Variants in ZNF460 observed in about 807,000 individuals in gnomAD.
ZNF460 encodes zinc finger protein 460.
ZNF460 carries 1 observed loss-of-function variant against 8.4 expected under a neutral mutation model. That is an observed-to-expected ratio of 0.12 (90% CI 0.04 to 0.56). The LOEUF (loss-of-function observed/expected upper bound fraction) is 0.56. Among genes scored for constraint, ZNF460 ranks in the 20% least tolerant of loss-of-function variants. The pLI is 0.91. For synonymous variants in ZNF460, 262 were observed against 259.9 expected, an observed-to-expected ratio of 1.01 and a Z score of -0.08; for missense variants, 477 against 714.8, an observed-to-expected ratio of 0.67 and a Z score of 3.79.
Position 57,286,565 on chromosome 19 carries a change from T to A in ZNF460, c.157+1888T>A, listed in dbSNP as rs890715749. On this transcript the variant is annotated intron_variant, in intron 2 of 2. Transcript: ENST00000360338. Reference sequence around the variant, plus strand: ...CCGGAGGCTGAGATGGGAGGATTGCTTCAGGCCAGGAGTTCGAGACTAGGC... The same window carrying A: ...CCGGAGGCTGAGATGGGAGGATTGCATCAGGCCAGGAGTTCGAGACTAGGC... Among the ~76,000 whole-genome samples, 8 of 152,300 alleles carry A rather than the reference T, an allele frequency of 5.3e-5. No individual in the cohort carries two copies. In the East Asian group the frequency reaches 7.7e-4, roughly 15 times the overall value.
chr19:57,288,563 G>A (rs563627290), intron 2 of ZNF460, among the ~76,000 whole-genome samples: 3 of 152,166 alleles, frequency 2.0e-5, no homozygotes, highest in Non-Finnish European at 4.4e-5. Context: ...TTTTTCAGAT[G>A]AGGAAGTGGA....
intron 2 of ZNF460, among the ~76,000 whole-genome samples, chr19:57,289,976 A>C (rs988373600): frequency 6.6e-6 from 1 of 151,956 alleles, no homozygotes. Context: ...CCTCATCTGT[A>C]AAAATACAAA....
chr19:57,288,090 T>G (rs2087891965), intron 2 of ZNF460, among the ~76,000 whole-genome samples: 1 of 152,212 alleles, frequency 6.6e-6, no homozygotes. Flanking sequence ...GTAAGGTCAC[T>G]CCTTTCATTC....
chr19:57,289,557 C>T (rs543887835), intron 2 of ZNF460, among the ~76,000 whole-genome samples: 3 of 152,282 alleles, frequency 2.0e-5, no homozygotes, highest in Admixed American at 2.0e-4. Context: ...TCCCTGGCCT[C>T]TTGTAGCTCC....
intron 2 of ZNF460, among the ~76,000 whole-genome samples, chr19:57,285,796 G>A (rs913540604): frequency 2.0e-5 from 3 of 152,150 alleles, no homozygotes; most frequent in Non-Finnish European, 4.4e-5. Flanking sequence ...GTTCCCTTAG[G>A]ATTGAGTTCT....
At chr19:57,287,203 T>C (rs1439183950) in intron 2 of ZNF460, among the ~76,000 whole-genome samples, 1 of 152,180 alleles carries the variant, frequency 6.6e-6, no homozygotes, top group Admixed American at 6.5e-5. Context: ...ATCATGTCTG[T>C]GTTATTCTTT....
intron 2 of ZNF460, among the ~76,000 whole-genome samples, chr19:57,290,227 G>T (rs73630459): frequency 0.2 from 30,150 of 152,160 alleles, 3,161 homozygotes; most frequent in Middle Eastern, 0.26. Context: ...GATCCCGGGT[G>T]ATCCGCCTCA....
intron 2 of ZNF460, among the ~76,000 whole-genome samples, chr19:57,288,307 G>A (rs926940081): frequency 1.3e-5 from 2 of 152,080 alleles, no homozygotes; most frequent in African/African-American, 4.8e-5. Context: ...GGCTCAAGCA[G>A]TTCTCCTACA....
At chr19:57,290,622 T>C (rs1161618333) in intron 2 of ZNF460, 77 bp from the exon 3 acceptor site, 15 of 1,339,612 alleles carry the variant, frequency 1.1e-5, no homozygotes, top group South Asian at 4.2e-5. Context: ...TTTCATCTTA[T>C]TGTTCTCACC....
rs1395318962 is a variant in ZNF460 at position 57,280,519 on chromosome 19, C to T, written c.-288C>T. The T allele has an allele frequency of 4.0e-6, 2 of 505,600 alleles. No individual in the cohort carries two copies. The highest frequency in any genetic ancestry group is 3.6e-6 in the Non-Finnish European group (1 of 280,118). The allele number at this position is 505,600 out of a possible 1,614,324, so 31.3% of individuals were successfully genotyped here. A position where few individuals can be genotyped will look rare whatever the true frequency, so the allele number is the denominator to read the frequency against. ...TGGGGCCTAGAGCGCTGGGTGGGCG[C>T]GTTCTGCGGCCTGAGCAGGGACGGG... On this transcript the variant is annotated 5_prime_UTR_variant, in exon 1 of 3. Transcript: ENST00000360338.
rs2087930076 is a variant in ZNF460 at position 57,293,013 on chromosome 19, G to C, written c.*783G>C. On this transcript the variant is annotated 3_prime_UTR_variant, in exon 3 of 3. Transcript: ENST00000360338. The stretch of plus-strand genomic sequence containing the variant: ...TTCTCCGTGTGTCTTTAACCACCCA[G>C]TACCATACTTTTTTCTTGATCTGGA... The C allele has an allele frequency of 6.6e-6, 1 of 152,146 alleles. No homozygotes were observed. Among genetic ancestry groups the C allele is most frequent in the Non-Finnish European group, 1.5e-5 (1 of 68,038 alleles). 9.4% of individuals were successfully genotyped at this position (152,146 alleles called of 1,614,324 possible). A position where few individuals can be genotyped will look rare whatever the true frequency, so the allele number is the denominator to read the frequency against.
chr19:57,285,817 T>G (rs1330336925), intron 2 of ZNF460, among the ~76,000 whole-genome samples: 1 of 152,142 alleles, frequency 6.6e-6, no homozygotes, highest in African/African-American at 2.4e-5. Context: ...TCCACTCATG[T>G]CTCCCATTCT....
At chr19:57,290,373 G>T (rs1461586371) in intron 2 of ZNF460, among the ~76,000 whole-genome samples, 1 of 151,906 alleles carries the variant, frequency 6.6e-6, no homozygotes, top group African/African-American at 2.4e-5. Context: ...CACCTCCCAG[G>T]TTCAAGCGAT....
intron 2 of ZNF460, 152 bp downstream of exon 2, chr19:57,284,829 T>C (rs1400236429): frequency 3.1e-6 from 3 of 963,936 alleles, no homozygotes; most frequent in Non-Finnish European, 4.1e-6. Flanking sequence ...TTTTTTTTTT[T>C]TTTGGAGACA....
At position 57,292,212 on chromosome 19, in the gene ZNF460, A is replaced by G. The variant is rs201265623; in HGVS notation, c.1671A>G (p.Glu557=). The part of the protein sequence containing the change: ...SSLDINGFIV[E]ETLPL ...TCGACATCAACGGATTCATAGTGGAAGAAACCCTACCATTGTAACAGATGT... is the reference window on the plus strand; with the variant it reads ...TCGACATCAACGGATTCATAGTGGAGGAAACCCTACCATTGTAACAGATGT... The change falls in exon 3 of 3, where the codon GAA becomes GAG. Residue 557 remains glutamate, a synonymous_variant. Transcript: ENST00000360338. The G allele has an allele frequency of 1.9e-6, 3 of 1,612,090 alleles. No homozygotes were observed. The highest frequency in any genetic ancestry group is 3.3e-5 in the Admixed American group (2 of 59,980).
chr19:57,280,619 C>T lies in ZNF460; in HGVS notation c.-188C>T, dbSNP rs916433652. Reference sequence around the variant, plus strand: ...CCCGCTTCTCCCCTAACGAGGTGTCCCACCGGCGCCCGCCGAGGCCTAGGC... The same window carrying T: ...CCCGCTTCTCCCCTAACGAGGTGTCTCACCGGCGCCCGCCGAGGCCTAGGC... On this transcript the variant is annotated 5_prime_UTR_variant, in exon 1 of 3. Transcript: ENST00000360338. 27 of 735,374 alleles carry T rather than the reference C, an allele frequency of 3.7e-5. No homozygotes were observed. The highest frequency in any genetic ancestry group is 3.9e-4 in the Middle Eastern group (1 of 2,544). The allele number at this position is 735,374 out of a possible 1,614,324, so 45.6% of individuals were successfully genotyped here.
At chr19:57,283,160 T>A (rs1180610666) in intron 1 of ZNF460, among the ~76,000 whole-genome samples, 1 of 139,122 alleles carries the variant, frequency 7.2e-6, no homozygotes, top group Non-Finnish European at 1.6e-5. Context: ...TTTTTTTTTT[T>A]ACAAACAGTT....
At position 57,280,559 on chromosome 19, in the gene ZNF460, C is replaced by T. The variant is rs1481150018; in HGVS notation, c.-248C>T. The T allele has an allele frequency of 1.6e-5, 9 of 580,474 alleles. No homozygotes were observed. In the East Asian group the frequency reaches 2.3e-4, roughly 15 times the overall value. The allele number at this position is 580,474 out of a possible 1,614,324, so 36.0% of individuals were successfully genotyped here. A position where few individuals can be genotyped will look rare whatever the true frequency, so the allele number is the denominator to read the frequency against. ...GCAGGGACGGGTAGTGAAGCGGTTA[C>T]GCCCCTTCTTCGCGTCTTGGCGGGA... On this transcript the variant is annotated 5_prime_UTR_variant, in exon 1 of 3. In the 5' UTR this introduces an upstream ATG that the reference lacks. Transcript: ENST00000360338.
Position 57,292,265 on chromosome 19 carries a change from C to T in ZNF460, c.*35C>T. ...AAAGACTTTTTACGTACACTTCAGT[C>T]AACATCCAAGAATTCCTATTAGCGA... is the stretch of plus-strand genomic sequence containing the variant. On this transcript the variant is annotated 3_prime_UTR_variant, in exon 3 of 3. Coordinates refer to ENST00000360338, the MANE Select transcript of ZNF460 (RefSeq NM_006635.4). 6.4e-7 allele frequency: 1 copy of T among 1,558,150 alleles called. No individual in the cohort carries two copies. The highest frequency in any genetic ancestry group is 1.2e-5 in the South Asian group (1 of 85,228).
Sources: allele counts gnomAD v4.1 joint callset (sites outside exome capture counted in the v4.1 genomes callset), GRCh38; gene constraint gnomAD v4.1.1; transcripts MANE v1.5; gene names NCBI Gene and HGNC (gene_info 2026-07-23, HGNC 2026-07-21).